Variants in POU6F2 observed in about 807,000 individuals in gnomAD.
POU6F2 encodes POU domain, class 6, transcription factor 2.
A neutral mutation model predicts 71.3 loss-of-function variants in POU6F2; 31 were observed. The ratio of observed to expected loss-of-function variants is 0.43; its 90% CI spans 0.33 to 0.59. The LOEUF (loss-of-function observed/expected upper bound fraction) is 0.59, where lower values mean the gene tolerates loss of function less well. Ranked by LOEUF, POU6F2 falls within the 20% of genes least tolerant of loss-of-function variation. POU6F2 has a pLI of 0.04. For synonymous variants in POU6F2, 347 were observed against 355.7 expected (o/e 0.98, Z 0.27); for missense variants, 783 against 856.8 (o/e 0.91, Z 1.07).
intron 1 of POU6F2, among the ~76,000 whole-genome samples, chr7:39,059,411 G>A (rs769015933): frequency 5.9e-5 from 9 of 151,618 alleles, no homozygotes; most frequent in East Asian, 3.9e-4. Context: ...GTGAGTGACC[G>A]GATCTCATTC....
chr7:39,062,355 C>T (rs1374503583), intron 1 of POU6F2, among the ~76,000 whole-genome samples: 16 of 151,822 alleles, frequency 1.1e-4, no homozygotes, highest in South Asian at 2.1e-4. Flanking sequence ...TGAGAACTGT[C>T]GAATGAGAAA....
chr7:39,460,691 C>T lies in POU6F2; in HGVS notation c.1634C>T (p.Ala545Val), dbSNP rs1367347775. The T allele has an allele frequency of 9.3e-6, 15 of 1,605,042 alleles. No homozygotes were observed. The highest frequency in any genetic ancestry group is 4.5e-5 in the East Asian group (2 of 44,492). ...GQALSATEGP[A>V]YSQSAICRHT... is the part of the protein sequence containing the mutation. ...GCTCTCAGTGCTACAGAGGGCCCCG[C>T]GTACAGCCAGTCGGCCATCTGCAGG... Residue 545 changes from alanine to valine, a missense_variant, in exon 9 of 10, where the codon GCG (alanine) becomes GTG (valine). Physicochemically the swap from Ala to Val is moderately conservative, Grantham distance 64. Around this residue, in one of 2 missense-constraint regions of POU6F2, gnomAD observed 211 missense variants for 283.9 expected, o/e 0.74. Transcript: ENST00000518318. The surrounding 1 kb of genome is among the most constrained non-coding windows in gnomAD (Gnocchi z 4.4).
At chr7:39,351,964 A>G (rs2115673717) in intron 5 of POU6F2, among the ~76,000 whole-genome samples, 1 of 152,282 alleles carries the variant, frequency 6.6e-6, no homozygotes, top group East Asian at 1.9e-4. Flanking sequence ...TGACTCCTGG[A>G]GTCATGGAGG....
intron 1 of POU6F2, among the ~76,000 whole-genome samples, chr7:38,998,767 A>G (rs1019343586): frequency 1.3e-5 from 2 of 150,254 alleles, no homozygotes; most frequent in African/African-American, 4.9e-5. Context: ...CTCCTGCCTA[A>G]GCCTCCCAAG....
chr7:39,303,018 A>C lies in POU6F2; in HGVS notation c.599-36624A>C, dbSNP rs1784979159. On this transcript the variant is annotated intron_variant, in intron 4 of 9. Transcript: ENST00000518318. ...AATTTACATTTCTACTAAGTTCCAA[A>C]GTGATGCTCATGCTGTTGGCTGGGG... Among the ~76,000 whole-genome samples, 3 of 152,358 alleles carry C rather than the reference A, an allele frequency of 2.0e-5. No homozygotes were observed. The South Asian group carries it at 6.2e-4, about 32-fold the overall frequency.
intron 1 of POU6F2, among the ~76,000 whole-genome samples, chr7:39,058,506 A>G (rs1242070680): frequency 6.6e-6 from 1 of 152,206 alleles, no homozygotes; most frequent in East Asian, 1.9e-4. Flanking sequence ...TGCAATTGTT[A>G]TACATTTCCG....
intron 1 of POU6F2, among the ~76,000 whole-genome samples, chr7:39,056,670 G>A (rs1219976604): frequency 8.1e-6 from 1 of 123,724 alleles, no homozygotes; most frequent in African/African-American, 3.0e-5. Flanking sequence ...CTCTGTGTGT[G>A]TGTGTGTATG....
intron 5 of POU6F2, among the ~76,000 whole-genome samples, chr7:39,376,137 A>G (rs1786705846): frequency 1.3e-5 from 2 of 152,166 alleles, no homozygotes; most frequent in African/African-American, 2.4e-5. Context: ...GTCCTCAACA[A>G]TCTGTAGCTT....
At chr7:39,368,472 A>G (rs936090382) in intron 5 of POU6F2, among the ~76,000 whole-genome samples, 1 of 152,254 alleles carries the variant, frequency 6.6e-6, no homozygotes, top group African/African-American at 2.4e-5. Flanking sequence ...CCATAATGTA[A>G]AAGTCAAGGC....
intron 1 of POU6F2, chr7:39,013,016 C>T (rs1789349500): frequency 6.6e-6 from 1 of 152,386 alleles, no homozygotes; most frequent in African/African-American, 2.4e-5. Context: ...GTGGAGCCTA[C>T]AGAGGCAGGC....
At chr7:39,373,560 C>T (rs1227546829) in intron 5 of POU6F2, 4 of 456,538 alleles carry the variant, frequency 8.8e-6, no homozygotes, top group Non-Finnish European at 1.8e-5. Context: ...TGATTCAGAA[C>T]CAAGCACACA....
At chr7:39,332,453 T>A (rs892112355) in intron 4 of POU6F2, among the ~76,000 whole-genome samples, 1 of 152,336 alleles carries the variant, frequency 6.6e-6, no homozygotes, top group Admixed American at 6.5e-5. Context: ...TATTCAACTT[T>A]GTAAGAAAAA....
chr7:39,205,118 C>G (rs1268790549), intron 3 of POU6F2, among the ~76,000 whole-genome samples: 1 of 151,880 alleles, frequency 6.6e-6, no homozygotes, highest in Non-Finnish European at 1.5e-5. Context: ...GCCACCAAGA[C>G]TCCCTATGGC....
At chr7:39,263,771 T>A (rs1784188217) in intron 4 of POU6F2, among the ~76,000 whole-genome samples, 2 of 152,160 alleles carry the variant, frequency 1.3e-5, no homozygotes, top group African/African-American at 4.8e-5. Context: ...TATTGTCTAT[T>A]TTCCCCCAGC....
chr7:39,022,581 C>T (rs936392899), intron 1 of POU6F2, among the ~76,000 whole-genome samples: 1 of 152,060 alleles, frequency 6.6e-6, no homozygotes, highest in African/African-American at 2.4e-5. Flanking sequence ...TTATATTTTC[C>T]TGTTCTAAAG....
intron 4 of POU6F2, among the ~76,000 whole-genome samples, chr7:39,230,040 T>C (rs1262297615): frequency 1.3e-5 from 2 of 152,224 alleles, no homozygotes; most frequent in African/African-American, 4.8e-5. Context: ...TCCAAAATAA[T>C]AAAACTAGGA....
chr7:39,211,273 T>C (rs1794138437), intron 4 of POU6F2, among the ~76,000 whole-genome samples: 1 of 152,158 alleles, frequency 6.6e-6, no homozygotes, highest in Non-Finnish European at 1.5e-5. Flanking sequence ...CAGAGACTCT[T>C]ATGACAATGG....
At chr7:39,095,253 T>C (rs1227046513) in intron 2 of POU6F2, among the ~76,000 whole-genome samples, 1 of 152,160 alleles carries the variant, frequency 6.6e-6, no homozygotes, top group Non-Finnish European at 1.5e-5. Context: ...ACCCAAGAAA[T>C]TGCTCCAATT....
intron 2 of POU6F2, among the ~76,000 whole-genome samples, chr7:39,130,150 G>A (rs571039404): frequency 5.4e-3 from 71 of 13,240 alleles, no homozygotes; most frequent in Middle Eastern, 0.029. Context: ...AGGGGTAGGT[G>A]TGTGTGTGTG....
Sources: allele counts gnomAD v4.1 joint callset (sites outside exome capture counted in the v4.1 genomes callset), GRCh38; gene constraint gnomAD v4.1.1; regional missense constraint gnomAD v4.1.1; non-coding constraint Gnocchi (gnomAD v3.1); transcripts MANE v1.5; gene names NCBI Gene and HGNC (gene_info 2026-07-23, HGNC 2026-07-21).